MGAT4C: variants seen among roughly 807,000 people sequenced by gnomAD.
The protein encoded by MGAT4C is MGAT4 family member C, also known as alpha-1,3-mannosyl-glycoprotein 4-beta-N-acetylglucosaminyltransferase C.
In MGAT4C, 19 loss-of-function variants were observed where a neutral mutation model predicts 40.1. The observed-to-expected ratio is 0.47, with a 90% CI of 0.33 to 0.70. MGAT4C has a LOEUF of 0.70. Among genes scored for constraint, MGAT4C ranks in the 30% least tolerant of loss-of-function variants. The pLI is 0.02. For missense variants in MGAT4C, 491 were observed against 563.2 expected (o/e 0.87, Z 1.30); for synonymous variants, 181 against 187.1 (o/e 0.97, Z 0.27).
At chr12:86,006,282 CA>C (rs1191344161) in intron 2 of MGAT4C, among the ~76,000 whole-genome samples, 1 of 152,096 alleles carries the variant, frequency 6.6e-6, no homozygotes, top group Non-Finnish European at 1.5e-5. Flanking sequence ...AAGCTCAAAT[CA>C]AGATGTCTTC....
At chr12:86,570,759 A>G (rs938559933) in intron 2 of MGAT4C, among the ~76,000 whole-genome samples, 4 of 152,044 alleles carry the variant, frequency 2.6e-5, no homozygotes, top group African/African-American at 9.7e-5. Flanking sequence ...AACTACTTCA[A>G]TTATAGCCGT....
intron 3 of MGAT4C, among the ~76,000 whole-genome samples, chr12:86,362,707 C>CA (rs371798887): frequency 0.092 from 13,624 of 147,396 alleles, 775 homozygotes; most frequent in Middle Eastern, 0.22. Flanking sequence ...ACTAAAAATA[C>CA]AAAAAAAAAA....
chr12:86,214,860 G>A (rs191293639), intron 1 of MGAT4C, among the ~76,000 whole-genome samples: 16 of 152,134 alleles, frequency 1.1e-4, no homozygotes, highest in South Asian at 2.1e-4. Flanking sequence ...ACAAACATAC[G>A]CAATGGACAT....
intron 2 of MGAT4C, among the ~76,000 whole-genome samples, chr12:86,006,082 T>C (rs1887842907): frequency 6.6e-6 from 1 of 152,144 alleles, no homozygotes; most frequent in Non-Finnish European, 1.5e-5. Context: ...AGCTCGACTA[T>C]GTGATATAAA....
intron 4 of MGAT4C, among the ~76,000 whole-genome samples, chr12:86,323,637 A>G (rs1360549956): frequency 6.6e-6 from 1 of 151,910 alleles, no homozygotes; most frequent in African/African-American, 2.4e-5. Context: ...AAACAATATA[A>G]CTACCGTAGT....
intron 2 of MGAT4C, among the ~76,000 whole-genome samples, chr12:86,678,904 C>G (rs571364545): frequency 1.3e-5 from 2 of 152,176 alleles, no homozygotes; most frequent in South Asian, 2.1e-4. Context: ...GTGCATGTGT[C>G]TTTATAGCAG....
rs182716100 is a variant in MGAT4C, at chr12:86,274,880, A to C, written c.-57+59185T>G. ...ACCATTCTGTGAAAGGAAGAGTGTG[A>C]GAAAAGTGGACATTGACAGAATAAC... On this transcript the variant is annotated intron_variant, in intron 4 of 7. Transcript: ENST00000548651. Among the ~76,000 whole-genome samples, 138 of 152,282 alleles carry C rather than the reference A, an allele frequency of 9.1e-4. 5 individuals are homozygous for C. The East Asian group carries it at 0.021, about 23-fold the overall frequency.
chr12:86,112,318 C>A (rs893007504), intron 1 of MGAT4C, among the ~76,000 whole-genome samples: 4 of 151,440 alleles, frequency 2.6e-5, no homozygotes, highest in Non-Finnish European at 4.4e-5. Flanking sequence ...ACTTCCCCCC[C>A]ACCCTTTTTT....
At chr12:86,129,500 G>C (rs7487426) in intron 1 of MGAT4C, among the ~76,000 whole-genome samples, 11,020 of 149,956 alleles carry the variant, frequency 0.073, 609 homozygotes, top group Middle Eastern at 0.21. Context: ...TCCTCACGGG[G>C]AACTGGGTTT....
intron 1 of MGAT4C, among the ~76,000 whole-genome samples, chr12:86,060,486 C>G (rs1351094482): frequency 6.6e-6 from 1 of 151,952 alleles, no homozygotes; most frequent in Admixed American, 6.6e-5. Flanking sequence ...CAATAAAATA[C>G]AACCTAAGGG....
intron 1 of MGAT4C, among the ~76,000 whole-genome samples, chr12:86,202,478 G>A (rs747432340): frequency 7.9e-5 from 12 of 151,902 alleles, no homozygotes; most frequent in Middle Eastern, 3.5e-3. Flanking sequence ...ATTATTGGAC[G>A]CAATTTGCAA....
intron 2 of MGAT4C, among the ~76,000 whole-genome samples, chr12:86,600,898 CCCCTCCCTGCT>C (rs1961746775): frequency 6.6e-6 from 1 of 152,232 alleles, no homozygotes; most frequent in Non-Finnish European, 1.5e-5. Flanking sequence ...CACTCCCTGG[CCCCTCCCTGCT>C]CCCAGTGCCT....
chr12:86,314,803 C>G (rs1227208315), intron 4 of MGAT4C, among the ~76,000 whole-genome samples: 1 of 152,124 alleles, frequency 6.6e-6, no homozygotes, highest in African/African-American at 2.4e-5. Context: ...GGTGAAAGAT[C>G]TCTACATGGA....
chr12:86,658,362 A>G (rs1242756478), intron 2 of MGAT4C, among the ~76,000 whole-genome samples: 1 of 152,116 alleles, frequency 6.6e-6, no homozygotes, highest in Non-Finnish European at 1.5e-5. Flanking sequence ...TTTAAAACAC[A>G]AAACTTCCAT....
chr12:86,774,879 A>G (rs1391273552), intron 1 of MGAT4C, among the ~76,000 whole-genome samples: 1 of 152,180 alleles, frequency 6.6e-6, no homozygotes, highest in Non-Finnish European at 1.5e-5. Flanking sequence ...TGATAAAGTA[A>G]CACACAAAGG....
intron 2 of MGAT4C, among the ~76,000 whole-genome samples, chr12:86,590,526 T>C (rs919534792): frequency 1.3e-5 from 2 of 152,014 alleles, no homozygotes; most frequent in African/African-American, 4.8e-5. Flanking sequence ...ATTCCAAAGC[T>C]CTTTCAAAAC....
At chr12:86,004,402 C>T (rs1887660786) in intron 2 of MGAT4C, among the ~76,000 whole-genome samples, 1 of 152,084 alleles carries the variant, frequency 6.6e-6, no homozygotes, top group Admixed American at 6.6e-5. Flanking sequence ...ATTATCTTGT[C>T]ATTTGCATCA....
At chr12:86,382,174 C>T (rs1955945927) in intron 3 of MGAT4C, among the ~76,000 whole-genome samples, 1 of 152,174 alleles carries the variant, frequency 6.6e-6, no homozygotes, top group Admixed American at 6.5e-5. Flanking sequence ...GACCAAAATG[C>T]TGATAAAGAT....
chr12:86,297,488 T>G (rs756950441), intron 4 of MGAT4C, among the ~76,000 whole-genome samples: 1 of 152,218 alleles, frequency 6.6e-6, no homozygotes, highest in Non-Finnish European at 1.5e-5. Context: ...TCTGTGCACA[T>G]TAAGGGAGAA....
Sources: gnomAD v4.1 joint callset for allele counts (sites outside exome capture counted in the v4.1 genomes callset) on GRCh38, gnomAD v4.1.1 for gene constraint, MANE v1.5 for transcripts, NCBI Gene and HGNC (gene_info 2026-07-23, HGNC 2026-07-21) for gene names.